MYH14: variants seen among roughly 807,000 people sequenced by gnomAD.
MYH14 encodes myosin heavy chain 14.
MYH14 carries 123 observed loss-of-function variants against 255.5 expected under a neutral mutation model. The ratio of observed to expected loss-of-function variants is 0.48; its 90% confidence interval spans 0.42 to 0.56. MYH14 has a LOEUF of 0.56. Ranked by LOEUF, MYH14 falls within the 20% of genes least tolerant of loss-of-function variation. The pLI is 0.00. For synonymous variants in MYH14, 1,095 were observed against 1,161.2 expected, an observed-to-expected ratio of 0.94 and a Z score of 1.16; for missense variants, 2,423 against 2,802.3, an observed-to-expected ratio of 0.86 and a Z score of 3.06.
intron 1 of MYH14, among the ~76,000 whole-genome samples, chr19:50,207,265 G>GAC (rs2031832290): frequency 8.4e-6 from 1 of 119,406 alleles, no homozygotes; most frequent in Non-Finnish European, 1.7e-5. Flanking sequence ...GAAAGAGAGA[G>GAC]AGAGACAGAG....
chr19:50,304,135 T>C (rs1453788976), intron 40 of MYH14, among the ~76,000 whole-genome samples: 1 of 152,260 alleles, frequency 6.6e-6, no homozygotes, highest in Admixed American at 6.5e-5. Context: ...CTATTTTGCA[T>C]GTAGAAAAAC....
chr19:50,309,550 T>A, intron 42 of MYH14, 90 bp from the exon 43 acceptor site: 1 of 845,008 alleles, frequency 1.2e-6, no homozygotes, highest in East Asian at 2.7e-5. Flanking sequence ...TCTCTCTCTC[T>A]CTCCCCCTCA....
At chr19:50,267,033 G>A in intron 23 of MYH14, 25 bp downstream of exon 23, 2 of 1,533,436 alleles carry the variant, frequency 1.3e-6, no homozygotes, top group Non-Finnish European at 1.8e-6. Flanking sequence ...GCAGGGCGTG[G>A]GGGCGTGTCT....
At chr19:50,241,060 T>C (rs928822797) in intron 10 of MYH14, among the ~76,000 whole-genome samples, 4 of 152,210 alleles carry the variant, frequency 2.6e-5, no homozygotes, top group African/African-American at 9.6e-5. Flanking sequence ...TCCATTTCAG[T>C]GCACAAATGG....
chr19:50,263,426 G>C lies in MYH14; in HGVS notation c.2694+6G>C. ...GGTGGCGGCTGTTTACCAAGGTGAG[G>C]GCAGCCTGGGGAGGTGGCCCCAGTA... On this transcript the variant is annotated splice_donor_region_variant and intron_variant, in intron 22 of 42. Transcript: ENST00000642316. 1.3e-5 allele frequency: 20 copies of C among 1,584,176 alleles called. No individual in the cohort carries two copies. Among genetic ancestry groups the C allele is most frequent in the Non-Finnish European group, 1.7e-5 (20 of 1,165,196 alleles).
chr19:50,248,541 G>A (rs11670669), intron 12 of MYH14, among the ~76,000 whole-genome samples: 83,861 of 151,918 alleles, frequency 0.55, 24,001 homozygotes, highest in Middle Eastern at 0.64. Flanking sequence ...GAGGAGTCTG[G>A]GAGCCACACT....
rs555182212 is a variant in MYH14 at position 50,275,983 on chromosome 19, A to G, written c.3468-8A>G. 1 of 1,608,298 alleles carries G rather than the reference A, an allele frequency of 6.2e-7. No homozygotes were observed. The highest frequency in any genetic ancestry group is 1.3e-5 in the African/African-American group (1 of 74,784). On this transcript the variant is annotated splice_region_variant and splice_polypyrimidine_tract_variant and intron_variant, in intron 27 of 42. Transcript: ENST00000642316. Reference sequence around the variant, plus strand: ...CTGTATCAACTCCACGGTTCTTGTCACCCCCAGGGCAGAAGACGAGGGTGG... The same window carrying G: ...CTGTATCAACTCCACGGTTCTTGTCGCCCCCAGGGCAGAAGACGAGGGTGG...
rs564240185 is a variant in MYH14 at position 50,241,250 on chromosome 19, C to T, written c.1115-2992C>T. On this transcript the variant is annotated intron_variant, in intron 10 of 42. Coordinates refer to ENST00000642316, the MANE Select transcript of MYH14 (RefSeq NM_001145809.2). ...AAGAGATTGAGACCATCCTGGCCAA[C>T]ACGATGAAACCCCGTCTCTACTAAA... Among the ~76,000 whole-genome samples the T allele has an allele frequency of 1.3e-5, 2 of 152,248 alleles. 1 individual carries two copies. Among genetic ancestry groups the T allele is most frequent in the East Asian group, 3.9e-4 (2 of 5,178 alleles).
At position 50,309,678 on chromosome 19, in the gene MYH14, AG is replaced by A; in HGVS notation, c.6001del (p.Val2001SerfsTer4). ...PLTFTTRTVR[Q>X]VFRLEEGVAS... ...ACCTTCACCACCCGCACGGTGCGCCAGGTCTTCCGACTAGAGGAGGGCGTGG... is the reference window on the plus strand; with the variant it reads ...ACCTTCACCACCCGCACGGTGCGCCAGTCTTCCGACTAGAGGAGGGCGTGG... On this transcript the variant is annotated frameshift_variant, in exon 43 of 43. Transcript: ENST00000642316. LOFTEE classifies it low-confidence loss of function (END_TRUNC). 6.2e-7 allele frequency: 1 copy of A among 1,603,228 alleles called. No individual in the cohort carries two copies. The highest frequency in any genetic ancestry group is 8.5e-7 in the Non-Finnish European group (1 of 1,177,578).
intron 35 of MYH14, 35 bp downstream of exon 35, chr19:50,289,683 C>T (rs749896265): frequency 6.4e-7 from 1 of 1,565,192 alleles, no homozygotes; most frequent in Non-Finnish European, 8.7e-7. Flanking sequence ...GGTGCCAGTC[C>T]AGCTGGGGTA....
At chr19:50,207,917 G>A (rs2031902929) in intron 1 of MYH14, among the ~76,000 whole-genome samples, 1 of 152,088 alleles carries the variant, frequency 6.6e-6, no homozygotes, top group South Asian at 2.1e-4. Flanking sequence ...GATGCATTGT[G>A]GCCCCAGGAC....
At chr19:50,205,788 G>T (rs1197518594) in intron 1 of MYH14, among the ~76,000 whole-genome samples, 1 of 152,186 alleles carries the variant, frequency 6.6e-6, no homozygotes, top group Non-Finnish European at 1.5e-5. Context: ...TGCAAGCCCG[G>T]ATTCTGGGGT....
chr19:50,224,032 T>TGGCCCCCACC, intron 5 of MYH14, 122 bp from the exon 6 acceptor site: 1 of 610,332 alleles, frequency 1.6e-6, no homozygotes, highest in Non-Finnish European at 3.0e-6. Flanking sequence ...ATGCCCGGTT[T>TGGCCCCCACC]CCCCAGTCCC....
rs1173493117 is a variant in MYH14 at position 50,252,953 on chromosome 19, T to C, written c.1945+200T>C. 2.0e-5 allele frequency among the ~76,000 whole-genome samples: 3 copies of C among 152,218 alleles called. No individual in the cohort carries two copies. The highest frequency in any genetic ancestry group is 7.2e-5 in the African/African-American group (3 of 41,446). On this transcript the variant is annotated intron_variant, in intron 16 of 42. Coordinates refer to ENST00000642316, the MANE Select transcript of MYH14 (RefSeq NM_001145809.2). The surrounding 1 kb of genome is among the most constrained non-coding windows in gnomAD (Gnocchi z 4.2). ...ATTAATTGATTGACTATTGATTTGATTGATAAGCCAGCATCCTTCTCAAGG... is the reference window on the plus strand; with the variant it reads ...ATTAATTGATTGACTATTGATTTGACTGATAAGCCAGCATCCTTCTCAAGG...
At chr19:50,214,605 G>T (rs1462064634) in intron 2 of MYH14, among the ~76,000 whole-genome samples, 1 of 152,144 alleles carries the variant, frequency 6.6e-6, no homozygotes, top group African/African-American at 2.4e-5. Context: ...GGAAACTGAG[G>T]TTTAGAGAGG....
At position 50,250,763 on chromosome 19, in the gene MYH14, G is replaced by A; in HGVS notation, c.1830+75G>A. ...TCTCCACTGGCTACAGATGGGGGGA[G>A]GGTGCAGAGGGAAAACAGGGTCCTC... is the stretch of plus-strand genomic sequence containing the variant. On this transcript the variant is annotated intron_variant, in intron 15 of 42. Coordinates refer to ENST00000642316, the MANE Select transcript of MYH14 (RefSeq NM_001145809.2). This position sits in a 1 kb window ranked among gnomAD's most constrained non-coding sequence, Gnocchi z 5.4. 6.8e-7 allele frequency: 1 copy of A among 1,472,268 alleles called. No individual in the cohort carries two copies. Among genetic ancestry groups the A allele is most frequent in the Non-Finnish European group, 9.3e-7 (1 of 1,079,206 alleles). The allele number at this position is 1,472,268 out of a possible 1,614,324, so 91.2% of individuals were successfully genotyped here.
At chr19:50,217,914 C>T (rs2032576049) in intron 3 of MYH14, 143 bp downstream of exon 3, 2 of 927,982 alleles carry the variant, frequency 2.2e-6, no homozygotes, top group South Asian at 1.7e-5. Flanking sequence ...GGAGGGAGCA[C>T]AAGTAGAGGC....
At chr19:50,257,867 G>A (rs1046471431) in intron 18 of MYH14, among the ~76,000 whole-genome samples, 2 of 152,182 alleles carry the variant, frequency 1.3e-5, no homozygotes, top group African/African-American at 2.4e-5. Context: ...AGTGAAGTTA[G>A]GGAAGGTTCC....
intron 32 of MYH14, among the ~76,000 whole-genome samples, chr19:50,281,088 T>C (rs1382699368): frequency 6.6e-6 from 1 of 152,196 alleles, no homozygotes; most frequent in East Asian, 1.9e-4. Context: ...CAGCCTGATA[T>C]AGGGCCTGAT....
Sources: gnomAD v4.1 joint callset for allele counts (sites outside exome capture counted in the v4.1 genomes callset) on GRCh38, gnomAD v4.1.1 for gene constraint, Gnocchi (gnomAD v3.1) non-coding constraint, MANE v1.5 for transcripts, NCBI Gene and HGNC (gene_info 2026-07-23, HGNC 2026-07-21) for gene names.